The following DCDC2 variants were observed in gnomAD, a reference collection of about 807,000 sequenced individuals.
DCDC2 encodes the protein doublecortin domain containing 2, also known as doublecortin domain-containing protein 2.
Under a neutral mutation model 50.2 loss-of-function variants are expected in DCDC2, and 40 were observed. The observed-to-expected ratio is 0.80, with a 90% confidence interval of 0.62 to 1.04. The LOEUF is 1.04. DCDC2 is among the 50% of genes least tolerant of loss of function. The pLI, the probability that DCDC2 is intolerant of heterozygous loss-of-function variation, is 0.00. For synonymous variants in DCDC2, 234 were observed against 210.6 expected (o/e 1.11, Z -0.96); for missense variants, 570 against 581.9 (o/e 0.98, Z 0.21).
At chr6:24,178,705 T>G in intron 8 of DCDC2, 73 bp from the exon 9 acceptor site, 1 of 1,379,420 alleles carries the variant, frequency 7.2e-7, no homozygotes, top group East Asian at 2.3e-5. Context: ...ATCATAGTAA[T>G]GTAATACTTA....
rs776956291 is a variant in DCDC2, at chr6:24,178,526, CCTTCCT to C, written c.1124_1129del (p.Glu375_Glu376del). On this transcript the variant is annotated inframe_deletion, in exon 9 of 10. Transcript: ENST00000378454. ...AGGGGCATCTGTAGCCTCCCTACCT[CCTTCCT>C]CTTCAAGGTCACCATTCATTCCTGA... The C allele has an allele frequency of 1.9e-6, 3 of 1,614,196 alleles. No homozygotes were observed. Among genetic ancestry groups the C allele is most frequent in the Non-Finnish European group, 2.5e-6 (3 of 1,180,036 alleles).
At chr6:24,338,255 C>G (rs1760093601) in intron 2 of DCDC2, among the ~76,000 whole-genome samples, 1 of 152,194 alleles carries the variant, frequency 6.6e-6, no homozygotes, top group South Asian at 2.1e-4. Context: ...TGCACAAACA[C>G]TCACAGTGAG....
At chr6:24,338,975 T>C (rs1053481851) in intron 2 of DCDC2, among the ~76,000 whole-genome samples, 6 of 151,916 alleles carry the variant, frequency 3.9e-5, no homozygotes, top group African/African-American at 1.5e-4. Context: ...AAAGATAAAT[T>C]ACTTTTTAAA....
chr6:24,193,394 A>G (rs1761352538), intron 8 of DCDC2, among the ~76,000 whole-genome samples: 1 of 152,210 alleles, frequency 6.6e-6, no homozygotes, highest in East Asian at 1.9e-4. Flanking sequence ...AAGCAGATCT[A>G]GAGAACAACT....
chr6:24,246,110 G>GCCA (rs1444313436), intron 7 of DCDC2, among the ~76,000 whole-genome samples: 4 of 151,994 alleles, frequency 2.6e-5, no homozygotes, highest in Admixed American at 6.6e-5. Context: ...ACAGGTATAA[G>GCCA]CCACCGCGCC....
chr6:24,197,050 AAG>A (rs1761458518), intron 8 of DCDC2, among the ~76,000 whole-genome samples: 1 of 152,216 alleles, frequency 6.6e-6, no homozygotes, highest in African/African-American at 2.4e-5. Flanking sequence ...TGTTATGACC[AAG>A]AGAGTCCAAG....
the DCDC2 span, among the ~76,000 whole-genome samples, chr6:24,369,919 G>C: frequency 2.0e-5 from 3 of 151,900 alleles, no homozygotes; most frequent in African/African-American, 7.3e-5. Flanking sequence ...GTGCATGCCT[G>C]TGGTCCCAGC....
At chr6:24,235,963 T>C (rs1324782344) in intron 7 of DCDC2, among the ~76,000 whole-genome samples, 1 of 152,002 alleles carries the variant, frequency 6.6e-6, no homozygotes, top group African/African-American at 2.4e-5. Context: ...ATGACACAAA[T>C]GGAAAAACAT....
chr6:24,373,890 C>T, the DCDC2 span, among the ~76,000 whole-genome samples: 3 of 151,206 alleles, frequency 2.0e-5, no homozygotes, highest in Admixed American at 2.0e-4. Context: ...GGACTGGGCG[C>T]GGTGGCTCAC....
intron 2 of DCDC2, among the ~76,000 whole-genome samples, chr6:24,330,430 G>T (rs1759946001): frequency 6.6e-6 from 1 of 152,128 alleles, no homozygotes; most frequent in African/African-American, 2.4e-5. Flanking sequence ...AGGTCACATT[G>T]TACAAACATA....
chr6:24,343,987 A>C (rs1718642834), intron 2 of DCDC2, among the ~76,000 whole-genome samples: 1 of 152,048 alleles, frequency 6.6e-6, no homozygotes, highest in Non-Finnish European at 1.5e-5. Context: ...ACATTTAAAA[A>C]CTCATTTAGC....
chr6:24,333,161 T>C (rs1759995642), intron 2 of DCDC2, among the ~76,000 whole-genome samples: 1 of 152,066 alleles, frequency 6.6e-6, no homozygotes, highest in Non-Finnish European at 1.5e-5. Context: ...AGATAAGAGG[T>C]AGCACAGGTA....
At chr6:24,378,370 G>A in the DCDC2 span, among the ~76,000 whole-genome samples, 1 of 152,094 alleles carries the variant, frequency 6.6e-6, no homozygotes, top group Non-Finnish European at 1.5e-5. Context: ...AGCAGAGAGT[G>A]TCTGATGATT....
At chr6:24,372,275 C>T in the DCDC2 span, among the ~76,000 whole-genome samples, 31 of 152,196 alleles carry the variant, frequency 2.0e-4, no homozygotes, top group African/African-American at 7.0e-4. Flanking sequence ...AAAAAATTAG[C>T]CAGGCATGGT....
chr6:24,273,915 C>T (rs772526759), intron 7 of DCDC2, among the ~76,000 whole-genome samples: 1 of 152,200 alleles, frequency 6.6e-6, no homozygotes, highest in South Asian at 2.1e-4. Context: ...AATCAGTCAT[C>T]AGGAGTCTAA....
At chr6:24,309,529 G>A (rs1759534827) in intron 2 of DCDC2, among the ~76,000 whole-genome samples, 1 of 152,024 alleles carries the variant, frequency 6.6e-6, no homozygotes, top group Admixed American at 6.6e-5. Context: ...TGTATATTGT[G>A]AGCCCTAGAG....
chr6:24,238,386 C>T (rs1451165497), intron 7 of DCDC2, among the ~76,000 whole-genome samples: 2 of 151,238 alleles, frequency 1.3e-5, no homozygotes, highest in Non-Finnish European at 2.9e-5. Context: ...GCAACCTCCG[C>T]CTCCCGGGTT....
intron 7 of DCDC2, among the ~76,000 whole-genome samples, chr6:24,227,071 G>A (rs376256500): frequency 3.3e-4 from 50 of 152,210 alleles, no homozygotes; most frequent in African/African-American, 1.1e-3. Context: ...TTTCTTCTCC[G>A]ACTGAGAAAG....
chr6:24,332,752 T>C (rs1376552890), intron 2 of DCDC2, among the ~76,000 whole-genome samples: 1 of 152,176 alleles, frequency 6.6e-6, no homozygotes, highest in Admixed American at 6.5e-5. Flanking sequence ...ATTACAGCCA[T>C]TTTCATATAT....
Sources: allele counts gnomAD v4.1 joint callset (sites outside exome capture counted in the v4.1 genomes callset), GRCh38; gene constraint gnomAD v4.1.1; transcripts MANE v1.5; gene names NCBI Gene and HGNC (gene_info 2026-07-23, HGNC 2026-07-21).